The following PAQR3 variants were observed in gnomAD, a reference collection of about 807,000 sequenced individuals.
PAQR3 encodes the protein progestin and adipoQ receptor family member 3, also known as Raf kinase trapping to Golgi.
A neutral mutation model predicts 41.7 loss-of-function variants in PAQR3; 39 were observed. The observed-to-expected ratio is 0.93, with a 90% confidence interval of 0.72 to 1.22. The LOEUF (loss-of-function observed/expected upper bound fraction) is 1.22. PAQR3 is among the 50% of genes most tolerant of loss of function. The probability of loss-of-function intolerance (pLI) is 0.00; values close to 1 mark genes in which losing one functional copy is unlikely to be tolerated. For missense variants in PAQR3, 366 were observed against 385.6 expected, an observed-to-expected ratio of 0.95 and a Z score of 0.42; for synonymous variants, 140 against 140.6, an observed-to-expected ratio of 1.00 and a Z score of 0.03.
intron 3 of PAQR3, among the ~76,000 whole-genome samples, chr4:78,927,587 T>C (rs1578022740): frequency 6.6e-6 from 1 of 152,254 alleles, no homozygotes; most frequent in East Asian, 1.9e-4. Context: ...GAGGAAAGCC[T>C]GACTGTTTTT....
rs1329006386 is a variant in PAQR3, at chr4:78,902,303, A to G, written c.*836+3805T>C. 7.9e-5 allele frequency among the ~76,000 whole-genome samples: 12 copies of G among 152,174 alleles called. No homozygotes were observed. In the South Asian group the frequency reaches 2.1e-3, roughly 26 times the overall value. On this transcript the variant is annotated intron_variant and NMD_transcript_variant, in intron 11 of 12. Coordinates refer to the PAQR3 transcript ENST00000342820. ...ATTAACCTATTTTAAAGAAAAATTT[A>G]TATTAATATGAGAACATAATGGAAA...
rs77005380 is a variant in PAQR3 at position 78,926,796 on chromosome 4, T to C, written c.505-78A>G. The C allele has an allele frequency of 3.8e-3, 4,794 of 1,272,166 alleles. 156 individuals are homozygous for C. In the African/African-American group the frequency reaches 0.061, roughly 16 times the overall value. 78.8% of individuals were successfully genotyped at this position (1,272,166 alleles called of 1,614,324 possible). ...GAAAAAGTAATTTTGGCTTTTACAC[T>C]ACAAATTCCAAAGTCTATTTACTTG... On this transcript the variant is annotated intron_variant, in intron 3 of 5. Coordinates refer to ENST00000512733, the MANE Select transcript of PAQR3 (RefSeq NM_001040202.2).
chr4:78,919,992 C>T lies in PAQR3; in HGVS notation c.*547G>A. 6 of 985,236 alleles carry T rather than the reference C, an allele frequency of 6.1e-6. No homozygotes were observed. The highest frequency in any genetic ancestry group is 1.7e-5 in the African/African-American group (1 of 57,266). The allele number at this position is 985,236 out of a possible 1,614,324, so 61.0% of individuals were successfully genotyped here. ...TCTAATGTTCTTAGGGAGAGAAGAA[C>T]CTATAGCTAAAGGATATAATATCTG... On this transcript the variant is annotated 3_prime_UTR_variant, in exon 6 of 6. Coordinates refer to ENST00000512733, the MANE Select transcript of PAQR3 (RefSeq NM_001040202.2).
At chr4:78,922,684 A>G (rs1487181361) in intron 5 of PAQR3, 4 of 359,520 alleles carry the variant, frequency 1.1e-5, no homozygotes, top group Admixed American at 3.7e-5. Flanking sequence ...TGGTTACATG[A>G]TATGTGCATT....
chr4:78,927,029 C>G (rs904368932), intron 3 of PAQR3, among the ~76,000 whole-genome samples: 1 of 152,142 alleles, frequency 6.6e-6, no homozygotes, highest in African/African-American at 2.4e-5. Context: ...CATGGACTCT[C>G]CCAGCAGTCA....
rs145541615 is a variant in PAQR3, at chr4:78,904,494, C to A, written c.*836+1614G>T. On this transcript the variant is annotated intron_variant and NMD_transcript_variant, in intron 11 of 12. Coordinates refer to the PAQR3 transcript ENST00000342820. ...ATTTTCCTGAGAGACTGTTTACAAG[C>A]CACACAAGATAATTTAAAACTTTAT... Among the ~76,000 whole-genome samples, 347 of 152,000 alleles carry A rather than the reference C, an allele frequency of 2.3e-3. 5 individuals are homozygous for A. The highest frequency in any genetic ancestry group is 7.9e-3 in the African/African-American group (327 of 41,534).
rs904690650 is a variant in PAQR3 at position 78,939,366 on chromosome 4, G to A, written c.-142C>T. On this transcript the variant is annotated 5_prime_UTR_variant, in exon 1 of 6. Coordinates refer to ENST00000512733, the MANE Select transcript of PAQR3 (RefSeq NM_001040202.2). ...CTACCGCGCTGCCGCTGCTGCCCAG[G>A]GCCCGGCTCTGCGCTCACACCGGCC... is the stretch of plus-strand genomic sequence containing the variant. 2.5e-5 allele frequency: 16 copies of A among 648,224 alleles called. No homozygotes were observed. Among genetic ancestry groups the A allele is most frequent in the Admixed American group, 4.7e-5 (1 of 21,096 alleles). 40.2% of individuals were successfully genotyped at this position (648,224 alleles called of 1,614,324 possible).
chr4:78,899,549 T>A (rs1306621299), intron 11 of PAQR3, among the ~76,000 whole-genome samples: 2 of 151,742 alleles, frequency 1.3e-5, no homozygotes, highest in East Asian at 3.9e-4. Flanking sequence ...AAGAAGAAAA[T>A]TCAGGTTAAT....
Position 78,922,843 on chromosome 4 carries a change from T to C in PAQR3, c.793+1014A>G, listed in dbSNP as rs1578012711. 1.3e-5 allele frequency: 6 copies of C among 447,118 alleles called. No homozygotes were observed. The East Asian group carries it at 3.5e-4, about 26-fold the overall frequency. The allele number at this position is 447,118 out of a possible 1,614,324, so 27.7% of individuals were successfully genotyped here. ...AAGTAACTTACTTAGCCCACGTAACTAGAAAGTGGTTGATGTGGGTCTTGA... is the reference window on the plus strand; with the variant it reads ...AAGTAACTTACTTAGCCCACGTAACCAGAAAGTGGTTGATGTGGGTCTTGA... On this transcript the variant is annotated intron_variant, in intron 5 of 5. Transcript: ENST00000512733.
chr4:78,911,843 T>C (rs751710131), downstream of PAQR3: 3 of 1,613,876 alleles, frequency 1.9e-6, no homozygotes, highest in Non-Finnish European at 1.7e-6. Context: ...AATACTGTCC[T>C]GCCAGGGCGG....
chr4:78,902,824 A>G (rs1734080068), intron 11 of PAQR3, among the ~76,000 whole-genome samples: 1 of 152,090 alleles, frequency 6.6e-6, no homozygotes, highest in Admixed American at 6.6e-5. Context: ...CTCTCTTCAT[A>G]TTGGATATTT....
chr4:78,900,536 A>G (rs1733944083), intron 11 of PAQR3, among the ~76,000 whole-genome samples: 1 of 152,222 alleles, frequency 6.6e-6, no homozygotes, highest in Admixed American at 6.5e-5. Context: ...GACTGGGAAT[A>G]GCTGTAAATA....
intron 11 of PAQR3, among the ~76,000 whole-genome samples, chr4:78,891,391 AC>A (rs1733428833): frequency 6.6e-6 from 1 of 151,996 alleles, no homozygotes; most frequent in South Asian, 2.1e-4. Context: ...TGTGCTGGGG[AC>A]CTAGTGGGCC....
intron 11 of PAQR3, among the ~76,000 whole-genome samples, chr4:78,896,820 C>A (rs1733730120): frequency 6.6e-6 from 1 of 152,096 alleles, no homozygotes; most frequent in Admixed American, 6.5e-5. Flanking sequence ...TATTGAATAT[C>A]CTTACACATG....
chr4:78,936,057 G>A (rs1172024344), intron 1 of PAQR3, among the ~76,000 whole-genome samples: 1 of 152,166 alleles, frequency 6.6e-6, no homozygotes, highest in East Asian at 1.9e-4. Flanking sequence ...TGAGTCAAGA[G>A]GCTCACTGTC....
At chr4:78,935,333 G>C in intron 1 of PAQR3, 50 bp from the exon 2 acceptor site, 3 of 1,549,158 alleles carry the variant, frequency 1.9e-6, no homozygotes, top group Non-Finnish European at 2.6e-6. Flanking sequence ...CCAACTTACT[G>C]TCACGTTCAA....
Position 78,917,737 on chromosome 4 carries a change from G to A in PAQR3, c.*2802C>T, listed in dbSNP as rs1352263816. 1 of 897,722 alleles carries A rather than the reference G, an allele frequency of 1.1e-6. No individual in the cohort carries two copies. The highest frequency in any genetic ancestry group is 1.8e-5 in the African/African-American group (1 of 55,098). 55.6% of individuals were successfully genotyped at this position (897,722 alleles called of 1,614,324 possible). ...CTTTGCCCCTTGACATTTAATACAGGGCAAAGTATTATCTAGTAGGTACCT... is the reference window on the plus strand; with the variant it reads ...CTTTGCCCCTTGACATTTAATACAGAGCAAAGTATTATCTAGTAGGTACCT... On this transcript the variant is annotated 3_prime_UTR_variant, in exon 6 of 6. Transcript: ENST00000512733.
At chr4:78,933,260 A>G (rs543803377) in intron 2 of PAQR3, 41 of 456,250 alleles carry the variant, frequency 9.0e-5, no homozygotes, top group African/African-American at 7.8e-4. Flanking sequence ...CATTCAACAA[A>G]TATTTGTTAA....
chr4:78,908,962 C>T (rs1244139921), downstream of PAQR3, among the ~76,000 whole-genome samples: 1 of 151,336 alleles, frequency 6.6e-6, no homozygotes, highest in Non-Finnish European at 1.5e-5. Context: ...CCCACCCTGC[C>T]ACCACTGTCA....
Sources: allele counts gnomAD v4.1 joint callset (sites outside exome capture counted in the v4.1 genomes callset), GRCh38; gene constraint gnomAD v4.1.1; transcripts MANE v1.5; gene names NCBI Gene and HGNC (gene_info 2026-07-23, HGNC 2026-07-21).